The following TMEM260 variants were observed in gnomAD, a reference collection of about 807,000 sequenced individuals.
TMEM260 encodes transmembrane protein 260.
In TMEM260, 82 loss-of-function variants were observed where a neutral mutation model predicts 88.9. That is an observed-to-expected ratio of 0.92 (90% confidence interval 0.77 to 1.11). The LOEUF (loss-of-function observed/expected upper bound fraction) is 1.11. TMEM260 is among the 50% of genes least tolerant of loss of function. The pLI is 0.00. For synonymous variants in TMEM260, 314 were observed against 309.3 expected, an observed-to-expected ratio of 1.02 and a Z score of -0.16; for missense variants, 902 against 853.4, an observed-to-expected ratio of 1.06 and a Z score of -0.71.
intron 3 of TMEM260, among the ~76,000 whole-genome samples, chr14:56,601,247 G>C (rs1419726210): frequency 1.3e-5 from 2 of 152,140 alleles, no homozygotes; most frequent in African/African-American, 4.8e-5. Context: ...GCCTTTCTGA[G>C]TGTAAGAATA....
intron 5 of TMEM260, among the ~76,000 whole-genome samples, chr14:56,606,176 A>G (rs1408980296): frequency 2.6e-5 from 4 of 152,238 alleles, no homozygotes; most frequent in African/African-American, 4.8e-5. Flanking sequence ...ATTCCCTAGA[A>G]TTAAAAATGA....
rs763011997 is a variant in TMEM260 at position 56,603,897 on chromosome 14, G to A, written c.427G>A (p.Ala143Thr). 3.7e-6 allele frequency: 6 copies of A among 1,613,636 alleles called. 1 individual carries two copies. The highest frequency in any genetic ancestry group is 3.3e-5 in the Admixed American group (2 of 59,956). Residue 143 changes from alanine to threonine, a missense_variant, in exon 4 of 16, where the codon GCA becomes ACA. Ala to Thr is a moderately conservative substitution (Grantham distance 58). Coordinates refer to ENST00000261556, the MANE Select transcript of TMEM260 (RefSeq NM_017799.4). The part of the protein sequence containing the change: ...SRLTWQWSIA[A>T]EVFSLNNLFV... ...TCTAACATGGCAGTGGTCCATTGCA[G>A]CAGAGGTTTTTAGCTTAAACAATCT...
chr14:56,621,468 C>G lies in TMEM260; in HGVS notation c.1227-63C>G, dbSNP rs1887912096. The G allele has an allele frequency of 8.7e-6, 11 of 1,270,512 alleles. No individual in the cohort carries two copies. In the East Asian group the frequency reaches 2.6e-4, roughly 30 times the overall value. The allele number at this position is 1,270,512 out of a possible 1,614,324, so 78.7% of individuals were successfully genotyped here. A position where few individuals can be genotyped will look rare whatever the true frequency, so the allele number is the denominator to read the frequency against. ...GAAAAGAATGGCATAGAAAATAAGC[C>G]TAGTCTTATTAAAACTGTAGCAAAG... On this transcript the variant is annotated intron_variant, in intron 10 of 15. Coordinates refer to ENST00000261556, the MANE Select transcript of TMEM260 (RefSeq NM_017799.4).
chr14:56,628,559 T>C lies in TMEM260; in HGVS notation c.1547+3029T>C, dbSNP rs1038861928. ...GTGTTTGGATGTCAAATTGTCCTTA[T>C]ACTCTTTGCTACAAAGATTATCCTT... On this transcript the variant is annotated intron_variant, in intron 12 of 15. Coordinates refer to ENST00000261556, the MANE Select transcript of TMEM260 (RefSeq NM_017799.4). Among the ~76,000 whole-genome samples, 16 of 152,210 alleles carry C rather than the reference T, an allele frequency of 1.1e-4. No individual in the cohort carries two copies. The East Asian group carries it at 1.5e-3, about 15-fold the overall frequency.
intron 9 of TMEM260, 145 bp from the exon 10 acceptor site, chr14:56,618,449 G>A: frequency 1.4e-6 from 1 of 720,652 alleles, no homozygotes; most frequent in South Asian, 1.9e-5. Context: ...ACCTGGGCTT[G>A]GATTGGGGAA....
rs985268170 is a variant in TMEM260, at chr14:56,584,170, T to C, written c.161-831T>C. Among the ~76,000 whole-genome samples, 8 of 152,198 alleles carry C rather than the reference T, an allele frequency of 5.3e-5. No homozygotes were observed. In the South Asian group the frequency reaches 1.7e-3, roughly 32 times the overall value. Reference sequence around the variant, plus strand: ...GTCTAAATTGTAGCTGGGACAGAAATTAAATGCAGAGTATTGCTATCTATG... The same window carrying C: ...GTCTAAATTGTAGCTGGGACAGAAACTAAATGCAGAGTATTGCTATCTATG... On this transcript the variant is annotated intron_variant, in intron 1 of 15. Coordinates refer to ENST00000261556, the MANE Select transcript of TMEM260 (RefSeq NM_017799.4).
At chr14:56,606,903 T>A (rs1055309682) in intron 5 of TMEM260, among the ~76,000 whole-genome samples, 18 of 151,854 alleles carry the variant, frequency 1.2e-4, no homozygotes, top group African/African-American at 3.1e-4. Flanking sequence ...TCCAAAAAAA[T>A]AAATAAATAA....
downstream of TMEM260, among the ~76,000 whole-genome samples, chr14:56,654,247 TG>T (rs1170972727): frequency 2.4e-4 from 37 of 152,290 alleles, no homozygotes; most frequent in South Asian, 1.7e-3. Flanking sequence ...AAGGTTTTAG[TG>T]TGACAAGAAA....
rs750587496 is a variant in TMEM260 at position 56,621,719 on chromosome 14, TATACTTAGAA to T, written c.1398+18_1398+27del. The T allele has an allele frequency of 6.3e-7, 1 of 1,590,988 alleles. No homozygotes were observed. The highest frequency in any genetic ancestry group is 8.5e-7 in the Non-Finnish European group (1 of 1,170,570). ...GATCAGGAAGTAAGTATATGAAAAA[TATACTTAGAA>T]TATAGCGATGATTTAAAAACATATG... is the stretch of plus-strand genomic sequence containing the variant. On this transcript the variant is annotated intron_variant, in intron 11 of 15. Transcript: ENST00000261556.
At chr14:56,595,371 A>G (rs1322235716) in intron 3 of TMEM260, among the ~76,000 whole-genome samples, 1 of 152,200 alleles carries the variant, frequency 6.6e-6, no homozygotes, top group Non-Finnish European at 1.5e-5. Context: ...AAAATGGGAA[A>G]TTTGATGTGT....
intron 3 of TMEM260, among the ~76,000 whole-genome samples, chr14:56,594,617 A>AT (rs1169846699): frequency 2.0e-5 from 3 of 152,160 alleles, no homozygotes; most frequent in Non-Finnish European, 4.4e-5. Flanking sequence ...TGTCTGTCTT[A>AT]TTTTGGGTGT....
intron 8 of TMEM260, 25 bp downstream of exon 8, chr14:56,616,052 G>T: frequency 6.6e-7 from 1 of 1,520,048 alleles, no homozygotes; most frequent in Non-Finnish European, 9.1e-7. Flanking sequence ...TCCTTTTTCT[G>T]TTATTTTTCT....
At chr14:56,596,374 A>ATG (rs1886208024) in intron 3 of TMEM260, among the ~76,000 whole-genome samples, 2 of 90,404 alleles carry the variant, frequency 2.2e-5, no homozygotes, top group South Asian at 4.2e-4. Flanking sequence ...ACACATATAT[A>ATG]TGTGAGAGTG....
intron 3 of TMEM260, among the ~76,000 whole-genome samples, chr14:56,602,704 TGAAA>T (rs1305436775): frequency 6.6e-6 from 1 of 150,550 alleles, no homozygotes; most frequent in African/African-American, 2.5e-5. Context: ...AACGGGAAGC[TGAAA>T]GAAATGGGAA....
Position 56,609,253 on chromosome 14 carries a change from T to A in TMEM260, c.784T>A (p.Phe262Ile). 6.2e-7 allele frequency: 1 copy of A among 1,614,062 alleles called. No individual in the cohort carries two copies. The highest frequency in any genetic ancestry group is 8.5e-7 in the Non-Finnish European group (1 of 1,179,982). ...AACACTGCAAGGATTTTTGACACAT[T>A]TTCTCAGGGAAGAATATGGAACCTT... is the stretch of plus-strand genomic sequence containing the variant. ...QTTLQGFLTH[F>I]LREEYGTFSL... is the part of the protein sequence containing the mutation. The change falls in exon 6 of 16, where the codon TTT becomes ATT. Residue 262 changes from phenylalanine (F) to isoleucine (I), a missense_variant. By Grantham distance (21) the Phe-to-Ile change is conservative. Transcript: ENST00000261556.
chr14:56,614,175 C>T (rs889024339), intron 7 of TMEM260, among the ~76,000 whole-genome samples: 1 of 146,514 alleles, frequency 6.8e-6, no homozygotes, highest in Admixed American at 6.9e-5. Flanking sequence ...TCCCAAAGTG[C>T]TGGGATTACC....
At chr14:56,631,566 T>A (rs985053048) in intron 12 of TMEM260, among the ~76,000 whole-genome samples, 59 of 149,976 alleles carry the variant, frequency 3.9e-4, no homozygotes, top group African/African-American at 1.4e-3. Context: ...GAAGTTGCAG[T>A]GAGCTGAGAT....
the TMEM260 span, among the ~76,000 whole-genome samples, chr14:56,656,103 T>C: frequency 9.9e-5 from 15 of 152,138 alleles, no homozygotes; most frequent in Non-Finnish European, 2.2e-4. Context: ...CCTCACTGTG[T>C]GACTTGGAGT....
At position 56,607,000 on chromosome 14, in the gene TMEM260, T is replaced by A. The variant is rs10483674; in HGVS notation, c.636+1317T>A. ...AATTTTGTGAAGTCAATCACGTAAG[T>A]CCTTATGTAAATCTTATTAAACAGC... On this transcript the variant is annotated intron_variant, in intron 5 of 15. Coordinates refer to ENST00000261556, the MANE Select transcript of TMEM260 (RefSeq NM_017799.4). Among the ~76,000 whole-genome samples, 1,285 of 152,320 alleles carry A rather than the reference T, an allele frequency of 8.4e-3. 35 individuals carry two copies. In the East Asian group the frequency reaches 0.085, roughly 10 times the overall value.
Sources: gnomAD v4.1 joint callset for allele counts (sites outside exome capture counted in the v4.1 genomes callset) on GRCh38, gnomAD v4.1.1 for gene constraint, MANE v1.5 for transcripts, NCBI Gene and HGNC (gene_info 2026-07-23, HGNC 2026-07-21) for gene names.